Variants in TRPM1 observed in about 807,000 individuals in gnomAD.
TRPM1 encodes transient receptor potential cation channel subfamily M member 1, also known as TRPM1-203 APA Isoform, Intron 10.
TRPM1 carries 113 observed loss-of-function variants against 149.4 expected under a neutral mutation model. The observed-to-expected ratio is 0.76, with a 90% confidence interval of 0.65 to 0.88. The LOEUF (loss-of-function observed/expected upper bound fraction) is 0.88. Ranked by LOEUF, TRPM1 falls within the 40% of genes least tolerant of loss-of-function variation. The pLI, the probability that TRPM1 is intolerant of heterozygous loss-of-function variation, is 0.00. For missense variants in TRPM1, 1,976 were observed against 2,038.7 expected (o/e 0.97, Z 0.59); for synonymous variants, 741 against 759.5 (o/e 0.98, Z 0.40).
At position 31,072,621 on chromosome 15, in the gene TRPM1, A is replaced by G. The variant is rs985835400; in HGVS notation, c.84-2395T>C. On this transcript the variant is annotated intron_variant, in intron 3 of 27. Transcript: ENST00000256552. ...CCAAACTGTTCTCCAAGGTGGCTGT[A>G]TCATGGTACATTTCCACCAGCAGTG... Among the ~76,000 whole-genome samples, 7 of 152,298 alleles carry G rather than the reference A, an allele frequency of 4.6e-5. 1 individual carries two copies. Among genetic ancestry groups the G allele is most frequent in the East Asian group, 1.9e-4 (1 of 5,190 alleles).
chr15:31,001,625 C>A lies in TRPM1; in HGVS notation c.*197G>T. 1 of 625,168 alleles carries A rather than the reference C, an allele frequency of 1.6e-6. No homozygotes were observed. The highest frequency in any genetic ancestry group is 2.8e-6 in the Non-Finnish European group (1 of 361,558). 38.7% of individuals were successfully genotyped at this position (625,168 alleles called of 1,614,324 possible). On this transcript the variant is annotated 3_prime_UTR_variant, in exon 28 of 28. Coordinates refer to ENST00000256552, the MANE Select transcript of TRPM1 (RefSeq NM_001252024.2). ...GTATCATCACTTTCATTTGATACTACTGCAACTGAAAAAACTAAGCCTACT... is the reference window on the plus strand; with the variant it reads ...GTATCATCACTTTCATTTGATACTAATGCAACTGAAAAAACTAAGCCTACT...
At chr15:31,105,433 CTCTGTGTGTGTGTGTGTG>C (rs1249328516), upstream of TRPM1, among the ~76,000 whole-genome samples, 20 of 109,870 alleles carry the variant, frequency 1.8e-4, no homozygotes, top group African/African-American at 7.9e-4. Context: ...AGCTGTGTGT[CTCTGTGTGTGTGTGTGTG>C]TGTGTGTGTG....
intron 27 of TRPM1, among the ~76,000 whole-genome samples, chr15:31,006,495 T>C (rs1413156151): frequency 6.6e-6 from 1 of 152,210 alleles, no homozygotes; most frequent in Non-Finnish European, 1.5e-5. Context: ...ATTTCTAATA[T>C]GGATGTGCCA....
intron 1 of TRPM1, among the ~76,000 whole-genome samples, chr15:31,138,976 C>T (rs989263023): frequency 1.3e-5 from 2 of 152,012 alleles, no homozygotes; most frequent in Non-Finnish European, 1.5e-5. Context: ...GGCCATTTTG[C>T]CTGAACTAGG....
At chr15:31,047,083 A>G (rs199780793) in intron 15 of TRPM1, 28 bp downstream of exon 15, 1 of 1,613,816 alleles carries the variant, frequency 6.2e-7, no homozygotes, top group South Asian at 1.1e-5. Context: ...CGCGAACCAC[A>G]GAACACTACA....
At chr15:31,066,525 T>G (rs1281489557) in intron 6 of TRPM1, among the ~76,000 whole-genome samples, 2 of 152,260 alleles carry the variant, frequency 1.3e-5, no homozygotes, top group Admixed American at 1.3e-4. Context: ...GGAATGTTTA[T>G]GGCTACTTTA....
intron 13 of TRPM1, among the ~76,000 whole-genome samples, chr15:31,048,466 TAA>T (rs1474688614): frequency 6.6e-6 from 1 of 152,128 alleles, no homozygotes; most frequent in Non-Finnish European, 1.5e-5. Context: ...TGCATTTTTT[TAA>T]AAGAGTATCT....
At chr15:31,123,591 T>C (rs2035907028) in intron 1 of TRPM1, among the ~76,000 whole-genome samples, 1 of 152,210 alleles carries the variant, frequency 6.6e-6, no homozygotes, top group Non-Finnish European at 1.5e-5. Context: ...ATATCATTTT[T>C]TATCAGGAAT....
chr15:31,113,215 G>A (rs577030709), intron 1 of TRPM1, among the ~76,000 whole-genome samples: 7 of 152,154 alleles, frequency 4.6e-5, no homozygotes, highest in Non-Finnish European at 1.5e-5. Flanking sequence ...ACTCACAGGA[G>A]TGAATCTCCC....
In TRPM1 at chr15:31,062,471, G is replaced by C. The variant is rs1029474236; in HGVS notation, c.1089+108C>G. 1.3e-4 allele frequency: 187 copies of C among 1,432,518 alleles called. 1 individual carries two copies. The East Asian group carries it at 4.1e-3, about 31-fold the overall frequency. The allele number at this position is 1,432,518 out of a possible 1,614,324, so 88.7% of individuals were successfully genotyped here. ...GCATTTGTACTGTCTCTCAGAAAAG[G>C]CCGGACTAAAATATGAATAACCCTG... On this transcript the variant is annotated intron_variant, in intron 9 of 27. Transcript: ENST00000256552.
At chr15:31,158,424 G>T (rs2036404411) in intron 1 of TRPM1, among the ~76,000 whole-genome samples, 1 of 152,060 alleles carries the variant, frequency 6.6e-6, no homozygotes, top group Non-Finnish European at 1.5e-5. Flanking sequence ...TCAGGAGATT[G>T]AGACCATCCT....
At chr15:31,038,530 T>C (rs765264715) in intron 18 of TRPM1, among the ~76,000 whole-genome samples, 3 of 152,162 alleles carry the variant, frequency 2.0e-5, no homozygotes, top group Non-Finnish European at 2.9e-5. Context: ...CTGGCCAACA[T>C]GGTGAAACCC....
At chr15:31,019,320 C>T (rs370061463) in intron 27 of TRPM1, among the ~76,000 whole-genome samples, 2 of 152,308 alleles carry the variant, frequency 1.3e-5, no homozygotes, top group South Asian at 4.1e-4. Flanking sequence ...AGGATAGAAC[C>T]TTGTTGTGCT....
intron 9 of TRPM1, 55 bp downstream of exon 9, chr15:31,062,524 A>G: frequency 6.2e-7 from 1 of 1,609,826 alleles, no homozygotes; most frequent in Non-Finnish European, 8.5e-7. Context: ...GAATTAGAAA[A>G]GGAAACATAA....
intron 2 of TRPM1, among the ~76,000 whole-genome samples, chr15:31,078,658 C>T (rs1183238054): frequency 6.6e-6 from 1 of 152,184 alleles, no homozygotes; most frequent in Non-Finnish European, 1.5e-5. Context: ...CTCTGAAGCC[C>T]CGCCCTGCCC....
chr15:31,073,297 C>T (rs2034606920), intron 3 of TRPM1, among the ~76,000 whole-genome samples: 1 of 152,058 alleles, frequency 6.6e-6, no homozygotes, highest in Non-Finnish European at 1.5e-5. Context: ...TCACCCTTGC[C>T]AAAAATCAAT....
At chr15:31,089,230 C>A (rs370477875) in intron 1 of TRPM1, among the ~76,000 whole-genome samples, 1 of 152,144 alleles carries the variant, frequency 6.6e-6, no homozygotes, top group African/African-American at 2.4e-5. Context: ...GACCATGTGG[C>A]CAGCGTGTCC....
intron 23 of TRPM1, 101 bp downstream of exon 23, chr15:31,030,882 A>G (rs2033035782): frequency 4.9e-6 from 7 of 1,424,014 alleles, no homozygotes; most frequent in Admixed American, 1.7e-5. Context: ...AGTGACAAAT[A>G]TTTTTTATTT....
intron 19 of TRPM1, 61 bp downstream of exon 19, chr15:31,037,983 A>G: frequency 8.7e-6 from 14 of 1,613,352 alleles, no homozygotes; most frequent in African/African-American, 1.3e-5. Context: ...GGTACAAGAA[A>G]TCTCAACAAT....
Sources: allele counts gnomAD v4.1 joint callset (sites outside exome capture counted in the v4.1 genomes callset), GRCh38; gene constraint gnomAD v4.1.1; transcripts MANE v1.5; gene names NCBI Gene and HGNC (gene_info 2026-07-23, HGNC 2026-07-21).